The following TANC1 variants were observed in gnomAD, a reference collection of about 807,000 sequenced individuals.
The protein encoded by TANC1 is protein TANC1.
A neutral mutation model predicts 149.7 loss-of-function variants in TANC1; 77 were observed. The observed-to-expected ratio is 0.51, with a 90% confidence interval of 0.43 to 0.62. The LOEUF is 0.62. Among genes scored for constraint, TANC1 ranks in the 20% least tolerant of loss-of-function variants. The probability of loss-of-function intolerance (pLI) is 0.00; values close to 1 mark genes in which losing one functional copy is unlikely to be tolerated. For synonymous variants in TANC1, 854 were observed against 925.0 expected (o/e 0.92, Z 1.39); for missense variants, 1,985 against 2,321.8 (o/e 0.85, Z 2.98).
intron 4 of TANC1, among the ~76,000 whole-genome samples, chr2:159,134,621 T>G (rs987963541): frequency 6.6e-6 from 1 of 152,176 alleles, no homozygotes; most frequent in Non-Finnish European, 1.5e-5. Context: ...TAGCTGGGAT[T>G]ACAGGCGCCC....
chr2:159,017,995 A>G (rs897478527), intron 2 of TANC1, among the ~76,000 whole-genome samples: 7 of 152,192 alleles, frequency 4.6e-5, no homozygotes, highest in Non-Finnish European at 8.8e-5. Flanking sequence ...CTCTTAGTGT[A>G]TGTGTGCGTT....
chr2:159,213,260 C>T (rs1326722716), intron 19 of TANC1, among the ~76,000 whole-genome samples: 3 of 152,034 alleles, frequency 2.0e-5, no homozygotes, highest in Non-Finnish European at 4.4e-5. Flanking sequence ...TACCCCAAGC[C>T]TTATGTTAGT....
rs764336492 is a variant in TANC1 at position 159,194,505 on chromosome 2, C to G, written c.2979+12C>G. ...AGAAGGGAGTGAGAGTAAGCGGCAG[C>G]CTGCTCTTTTGGGGCTGGGGCAGGG... On this transcript the variant is annotated intron_variant, in intron 17 of 26. Coordinates refer to ENST00000263635, the MANE Select transcript of TANC1 (RefSeq NM_033394.3). 3 of 1,609,478 alleles carry G rather than the reference C, an allele frequency of 1.9e-6. No individual in the cohort carries two copies. Among genetic ancestry groups the G allele is most frequent in the African/African-American group, 1.3e-5 (1 of 74,992 alleles).
intron 2 of TANC1, among the ~76,000 whole-genome samples, chr2:159,051,232 A>G (rs954041148): frequency 2.6e-5 from 4 of 152,214 alleles, no homozygotes; most frequent in African/African-American, 4.8e-5. Flanking sequence ...TAACTTGGTA[A>G]CTGGGCTACA....
intron 4 of TANC1, among the ~76,000 whole-genome samples, chr2:159,109,681 A>G (rs1302738627): frequency 6.6e-6 from 1 of 152,220 alleles, no homozygotes; most frequent in Non-Finnish European, 1.5e-5. Context: ...AGCTCTTTCC[A>G]GCCCAGGACA....
chr2:159,228,563 C>T (rs1169111001), intron 25 of TANC1: 1 of 485,394 alleles, frequency 2.1e-6, no homozygotes, highest in East Asian at 3.7e-5. Flanking sequence ...CACCATCTGG[C>T]CTTCTTGGGG....
intron 7 of TANC1, among the ~76,000 whole-genome samples, chr2:159,153,748 G>A (rs142298730): frequency 2.0e-5 from 3 of 152,172 alleles, no homozygotes; most frequent in Non-Finnish European, 2.9e-5. Context: ...CACAGAGCAG[G>A]TTATCTATGA....
chr2:159,186,460 T>C (rs865935059), intron 15 of TANC1, among the ~76,000 whole-genome samples: 1 of 152,168 alleles, frequency 6.6e-6, no homozygotes, highest in Non-Finnish European at 1.5e-5. Context: ...ACTTCCAACA[T>C]GGTAAAACCT....
chr2:159,222,248 G>C (rs1219404165), intron 22 of TANC1, among the ~76,000 whole-genome samples: 1 of 152,034 alleles, frequency 6.6e-6, no homozygotes, highest in Non-Finnish European at 1.5e-5. Context: ...TTTTAATACC[G>C]TGGCAAAAAC....
chr2:159,172,759 GT>G (rs2055395049), intron 11 of TANC1, among the ~76,000 whole-genome samples: 1 of 152,230 alleles, frequency 6.6e-6, no homozygotes, highest in Non-Finnish European at 1.5e-5. Flanking sequence ...TCTTTCTGAA[GT>G]TTTTCTTCTG....
chr2:159,123,611 A>G (rs1292222188), intron 4 of TANC1, among the ~76,000 whole-genome samples: 1 of 152,186 alleles, frequency 6.6e-6, no homozygotes, highest in Non-Finnish European at 1.5e-5. Flanking sequence ...CTGAGTAAAT[A>G]TTGGAGAAGA....
At chr2:159,043,859 T>C (rs564054854) in intron 2 of TANC1, among the ~76,000 whole-genome samples, 20 of 152,332 alleles carry the variant, frequency 1.3e-4, no homozygotes, top group African/African-American at 4.8e-4. Flanking sequence ...AGGCTCCTTA[T>C]CGCTCCTGGA....
chr2:158,971,251 A>G (rs931085274), intron 1 of TANC1, among the ~76,000 whole-genome samples: 2 of 152,184 alleles, frequency 1.3e-5, no homozygotes, highest in Non-Finnish European at 2.9e-5. Context: ...GTGGAACTAT[A>G]ATCCATATTA....
chr2:159,013,421 T>C (rs899645434), intron 2 of TANC1, among the ~76,000 whole-genome samples: 1 of 152,160 alleles, frequency 6.6e-6, no homozygotes, highest in Non-Finnish European at 1.5e-5. Context: ...TCTTAAAAAT[T>C]GGCTATGCAT....
chr2:159,173,486 T>A (rs963166367), intron 11 of TANC1, among the ~76,000 whole-genome samples: 1 of 152,120 alleles, frequency 6.6e-6, no homozygotes, highest in Non-Finnish European at 1.5e-5. Context: ...GCACCTATAA[T>A]CCCAGCTACT....
rs573940522 is a variant in TANC1, at chr2:159,122,837, T to C, written c.260-13357T>C. 2.0e-5 allele frequency among the ~76,000 whole-genome samples: 3 copies of C among 151,988 alleles called. No homozygotes were observed. The East Asian group carries it at 5.8e-4, about 29-fold the overall frequency. On this transcript the variant is annotated intron_variant, in intron 4 of 26. Coordinates refer to ENST00000263635, the MANE Select transcript of TANC1 (RefSeq NM_033394.3). Reference sequence around the variant, plus strand: ...CCATTTTGCATTTTCACCAACAGTATGAGGGTTTCAGTTACTTTGCATCTT... The same window carrying C: ...CCATTTTGCATTTTCACCAACAGTACGAGGGTTTCAGTTACTTTGCATCTT...
chr2:159,125,023 G>C (rs904358542), intron 4 of TANC1, among the ~76,000 whole-genome samples: 1 of 152,042 alleles, frequency 6.6e-6, no homozygotes, highest in Non-Finnish European at 1.5e-5. Flanking sequence ...GATTTCAGGC[G>C]TGAGCCACCA....
chr2:159,217,425 T>G lies in TANC1; in HGVS notation c.3245-72T>G, dbSNP rs2059417811. 4 of 1,591,400 alleles carry G rather than the reference T, an allele frequency of 2.5e-6. No individual in the cohort carries two copies. The South Asian group carries it at 4.6e-5, about 18-fold the overall frequency. ...CCCATCTCCCACTGGGGGAGAGAAC[T>G]GTTAAAGAATTTCTGGCTATCTGTG... On this transcript the variant is annotated intron_variant, in intron 19 of 26. Transcript: ENST00000263635.
rs2050629326 is a variant in TANC1 at position 159,136,001 on chromosome 2, T to TG, written c.260-193_260-192insG. Among the ~76,000 whole-genome samples the TG allele has an allele frequency of 1.4e-4, 16 of 116,188 alleles. No homozygotes were observed. In the South Asian group the frequency reaches 2.5e-3, roughly 18 times the overall value. 76.2% of individuals were successfully genotyped at this position (116,188 alleles called of 152,430 possible). On this transcript the variant is annotated intron_variant, in intron 4 of 26. Transcript: ENST00000263635. ...GACGTTCCCTCGTCTGTACTGAAAT[T>TG]TTGTGTGTGTGTGTGTGTGTGTGTG...
Sources: gnomAD v4.1 joint callset for allele counts (sites outside exome capture counted in the v4.1 genomes callset) on GRCh38, gnomAD v4.1.1 for gene constraint, MANE v1.5 for transcripts, NCBI Gene and HGNC (gene_info 2026-07-23, HGNC 2026-07-21) for gene names.